PMFBP1: variants seen among roughly 807,000 people sequenced by gnomAD.
PMFBP1 encodes polyamine-modulated factor 1-binding protein 1.
PMFBP1 carries 131 observed loss-of-function variants against 137.8 expected under a neutral mutation model. The observed-to-expected ratio is 0.95, with a 90% confidence interval of 0.82 to 1.10. The LOEUF (loss-of-function observed/expected upper bound fraction) is 1.10. Ranked by LOEUF, PMFBP1 falls within the 50% of genes least tolerant of loss-of-function variation. The pLI is 0.00. For missense variants in PMFBP1, 1,199 were observed against 1,175.4 expected, an observed-to-expected ratio of 1.02 and a Z score of -0.29; for synonymous variants, 490 against 450.4, an observed-to-expected ratio of 1.09 and a Z score of -1.11.
chr16:72,124,056 C>G (rs2042415933), intron 17 of PMFBP1, among the ~76,000 whole-genome samples: 1 of 152,114 alleles, frequency 6.6e-6, no homozygotes, highest in Non-Finnish European at 1.5e-5. Context: ...GTCATTCAGG[C>G]TGGAGTGCAG....
Position 72,129,048 on chromosome 16 carries a change from T to C in PMFBP1, c.1950+18A>G, listed in dbSNP as rs756289671. The C allele has an allele frequency of 6.2e-7, 1 of 1,611,866 alleles. No homozygotes were observed. Among genetic ancestry groups the C allele is most frequent in the African/African-American group, 1.3e-5 (1 of 74,738 alleles). On this transcript the variant is annotated intron_variant, in intron 13 of 20. Coordinates refer to ENST00000237353, the MANE Select transcript of PMFBP1 (RefSeq NM_031293.3). ...CTCTGGATTCCTGACCCAGCTCTCC[T>C]GGGATTCTCCCACTCACCGTCTTGT...
the PMFBP1 span, among the ~76,000 whole-genome samples, chr16:72,217,518 T>C: frequency 1.3e-5 from 2 of 152,204 alleles, no homozygotes; most frequent in African/African-American, 2.4e-5. Flanking sequence ...AGACACAACA[T>C]GCTTTTAGTT....
intron 9 of PMFBP1, 117 bp downstream of exon 9, chr16:72,136,331 G>T: frequency 8.5e-7 from 1 of 1,183,312 alleles, no homozygotes; most frequent in South Asian, 1.5e-5. Flanking sequence ...CCATCTCACT[G>T]TGCTTGTGTT....
intron 3 of PMFBP1, chr16:72,164,249 T>A (rs1018506969): frequency 2.3e-6 from 1 of 436,094 alleles, no homozygotes; most frequent in African/African-American, 2.0e-5. Flanking sequence ...CTAGGGGCAT[T>A]AACTCTTGAG....
At chr16:72,208,796 T>C in the PMFBP1 span, among the ~76,000 whole-genome samples, 3 of 152,174 alleles carry the variant, frequency 2.0e-5, no homozygotes, top group Admixed American at 2.0e-4. Context: ...CTTTCAGGCA[T>C]TGGTGCGAGA....
chr16:72,124,976 C>T (rs370692749), intron 16 of PMFBP1, 42 bp from the exon 17 acceptor site: 4 of 1,601,890 alleles, frequency 2.5e-6, no homozygotes, highest in Non-Finnish European at 1.7e-6. Context: ...TCCAGCTGGC[C>T]TCCCTGACCG....
intron 3 of PMFBP1, 189 bp downstream of exon 3, chr16:72,164,575 G>T (rs2043115460): frequency 1.6e-6 from 2 of 1,217,944 alleles, no homozygotes; most frequent in Admixed American, 2.0e-5. Context: ...AGTCCTGAAG[G>T]CAGGACTGGC....
In PMFBP1 at chr16:72,119,850, C is replaced by T. The variant is rs145949872; in HGVS notation, c.3007+1G>A. The T allele has an allele frequency of 9.3e-6, 15 of 1,613,128 alleles. No individual in the cohort carries two copies. The African/African-American group carries it at 1.9e-4, about 20-fold the overall frequency. On this transcript the variant is annotated splice_donor_variant, in intron 20 of 20. Coordinates refer to ENST00000237353, the MANE Select transcript of PMFBP1 (RefSeq NM_031293.3). LOFTEE classifies it high-confidence loss of function. ...ATTTTTTTGACAAATGGCAGACGTA[C>T]CCGGGCAGTGGGGCATCCCGATGTA... is the stretch of plus-strand genomic sequence containing the variant.
upstream of PMFBP1, among the ~76,000 whole-genome samples, chr16:72,176,170 G>C (rs370338168): frequency 2.0e-4 from 30 of 152,294 alleles, 2 homozygotes; most frequent in Admixed American, 1.0e-3. Context: ...TCCAGGACTG[G>C]AGTTCTTCTG....
intron 10 of PMFBP1, among the ~76,000 whole-genome samples, chr16:72,131,269 A>G (rs1437286374): frequency 2.0e-5 from 3 of 152,132 alleles, no homozygotes. Flanking sequence ...CACCAGTTTG[A>G]CTGGAAAGGG....
chr16:72,141,945 T>C (rs1414888775), intron 5 of PMFBP1, among the ~76,000 whole-genome samples: 2 of 151,350 alleles, frequency 1.3e-5, no homozygotes, highest in African/African-American at 2.4e-5. Flanking sequence ...TTTGAAATCA[T>C]GCACGAAGGT....
chr16:72,180,715 C>T (rs535744272), upstream of PMFBP1, among the ~76,000 whole-genome samples: 93 of 151,974 alleles, frequency 6.1e-4, no homozygotes, highest in Admixed American at 1.1e-3. Context: ...TTGTAGTAAC[C>T]GTGAACAAAT....
the PMFBP1 span, among the ~76,000 whole-genome samples, chr16:72,249,387 G>C: frequency 1.3e-5 from 2 of 150,898 alleles, no homozygotes; most frequent in African/African-American, 4.9e-5. Flanking sequence ...AAAAAGTATT[G>C]TATGTGTGAA....
the PMFBP1 span, among the ~76,000 whole-genome samples, chr16:72,198,934 T>C: frequency 6.6e-6 from 1 of 151,834 alleles, no homozygotes; most frequent in South Asian, 2.1e-4. Flanking sequence ...ACCTCTCATA[T>C]GGACAGTCTC....
intron 11 of PMFBP1, 72 bp downstream of exon 11, chr16:72,130,461 C>A: frequency 1.2e-6 from 2 of 1,606,316 alleles, no homozygotes; most frequent in Non-Finnish European, 8.5e-7. Flanking sequence ...GCCTGGGCAG[C>A]TGCCCACAGA....
chr16:72,201,007 T>C, the PMFBP1 span, among the ~76,000 whole-genome samples: 32 of 152,316 alleles, frequency 2.1e-4, no homozygotes, highest in African/African-American at 7.5e-4. Flanking sequence ...CCTGGACAAC[T>C]GTCCACTTAA....
chr16:72,221,521 A>C, the PMFBP1 span, among the ~76,000 whole-genome samples: 1 of 152,168 alleles, frequency 6.6e-6, no homozygotes, highest in Non-Finnish European at 1.5e-5. Context: ...TAGGATACAA[A>C]ATGGAAACCA....
intron 2 of PMFBP1, among the ~76,000 whole-genome samples, chr16:72,170,829 C>T (rs146399928): frequency 2.6e-5 from 4 of 152,266 alleles, no homozygotes; most frequent in Admixed American, 1.3e-4. Context: ...TAGTTAATAT[C>T]GATTAAGTGC....
intron 16 of PMFBP1, 127 bp downstream of exon 16, chr16:72,125,111 G>T: frequency 7.1e-7 from 1 of 1,411,854 alleles, no homozygotes. Context: ...GAAGTTCAGG[G>T]AGCCAAGAAA....
Sources: allele counts gnomAD v4.1 joint callset (sites outside exome capture counted in the v4.1 genomes callset), GRCh38; gene constraint gnomAD v4.1.1; transcripts MANE v1.5; gene names NCBI Gene and HGNC (gene_info 2026-07-23, HGNC 2026-07-21).